Variants in MGST2 observed in about 807,000 individuals in gnomAD.
The protein encoded by MGST2 is microsomal glutathione S-transferase 2.
A neutral mutation model predicts 16.6 loss-of-function variants in MGST2; 9 were observed. That is an observed-to-expected ratio of 0.54 (90% CI 0.33 to 0.95). The LOEUF (loss-of-function observed/expected upper bound fraction) is 0.95. Among genes scored for constraint, MGST2 ranks in the 40% least tolerant of loss-of-function variants. The pLI is 0.03. For missense variants in MGST2, 159 were observed against 175.1 expected, an observed-to-expected ratio of 0.91 and a Z score of 0.52; for synonymous variants, 79 against 68.0, an observed-to-expected ratio of 1.16 and a Z score of -0.79.
chr4:139,693,606 T>C (rs1726745846), intron 2 of MGST2, among the ~76,000 whole-genome samples: 1 of 152,096 alleles, frequency 6.6e-6, no homozygotes, highest in African/African-American at 2.4e-5. Flanking sequence ...CAACCTATCA[T>C]AGCCACTCAA....
At chr4:139,712,173 T>C (rs547483352) in intron 5 of MGST2, among the ~76,000 whole-genome samples, 1 of 152,356 alleles carries the variant, frequency 6.6e-6, no homozygotes, top group South Asian at 2.1e-4. Context: ...ACTGTGCAAC[T>C]GTTGAAACCA....
At chr4:139,714,900 C>T (rs183216235) in intron 5 of MGST2, among the ~76,000 whole-genome samples, 106 of 152,260 alleles carry the variant, frequency 7.0e-4, no homozygotes, top group Non-Finnish European at 1.4e-3. Context: ...GGAAAAAGCT[C>T]CCCATGTCCC....
intron 5 of MGST2, chr4:139,719,129 G>T (rs10519504): frequency 0.15 from 91,950 of 600,620 alleles, 7,290 homozygotes; most frequent in South Asian, 0.18. Flanking sequence ...CTCGATTGCT[G>T]TGTGAAAATC....
intron 5 of MGST2, chr4:139,719,208 T>G: frequency 2.5e-6 from 3 of 1,218,744 alleles, no homozygotes; most frequent in Non-Finnish European, 3.3e-6. Flanking sequence ...AGCTGCAGTT[T>G]TGCTCAGTTT....
At chr4:139,747,220 C>T in the MGST2 span, among the ~76,000 whole-genome samples, 78,258 of 152,018 alleles carry the variant, frequency 0.51, 20,816 homozygotes, top group East Asian at 0.74. Context: ...AAATCCACAC[C>T]TTCTGCATCA....
In MGST2 at chr4:139,712,593, C is replaced by T. The variant is rs553437552; in HGVS notation, c.*48+8397C>T. Among the ~76,000 whole-genome samples, 21 of 152,220 alleles carry T rather than the reference C, an allele frequency of 1.4e-4. No homozygotes were observed. The South Asian group carries it at 2.9e-3, about 21-fold the overall frequency. ...TCTCAGATAAGACTTTTTAAAAAGC[C>T]GAGCCCTGCCATGGGTTTGTACCCT... On this transcript the variant is annotated intron_variant, in intron 5 of 5. Coordinates refer to the MGST2 transcript ENST00000616265.
chr4:139,712,042 A>G (rs1169540282), intron 5 of MGST2, among the ~76,000 whole-genome samples: 1 of 152,250 alleles, frequency 6.6e-6, no homozygotes, highest in Non-Finnish European at 1.5e-5. Context: ...AGTTTAAGAA[A>G]ACATTCAGTA....
At chr4:139,694,956 G>C (rs1409380052) in intron 2 of MGST2, among the ~76,000 whole-genome samples, 1 of 152,196 alleles carries the variant, frequency 6.6e-6, no homozygotes, top group Non-Finnish European at 1.5e-5. Flanking sequence ...TTGGGAAAGT[G>C]CTATAACTCA....
At chr4:139,683,884 A>G (rs1321508116) in intron 2 of MGST2, among the ~76,000 whole-genome samples, 1 of 150,414 alleles carries the variant, frequency 6.6e-6, no homozygotes, top group Non-Finnish European at 1.5e-5. Flanking sequence ...GAGCTTGTGC[A>G]GGGGAATGCC....
At chr4:139,730,452 CTG>C (rs1728656537) in intron 5 of MGST2, 49 of 1,552,028 alleles carry the variant, frequency 3.2e-5, no homozygotes, top group Non-Finnish European at 3.7e-5. Flanking sequence ...GCTGCTGCTG[CTG>C]CTGCCTTTGC....
chr4:139,682,068 T>C (rs567804184), intron 2 of MGST2, among the ~76,000 whole-genome samples: 7 of 152,046 alleles, frequency 4.6e-5, no homozygotes, highest in Non-Finnish European at 8.8e-5. Flanking sequence ...TGTGGGTACA[T>C]ACCTGCAGTC....
Position 139,698,741 on chromosome 4 carries a change from T to G in MGST2, c.229+3474T>G, listed in dbSNP as rs559242764. Among the ~76,000 whole-genome samples, 5 of 152,364 alleles carry G rather than the reference T, an allele frequency of 3.3e-5. No homozygotes were observed. In the East Asian group the frequency reaches 9.6e-4, roughly 29 times the overall value. ...AGTGCAAGGTTTTTCCCCCTGCTGGTGTAGCTGCAAGTGACAGCTTTACAA... is the reference window on the plus strand; with the variant it reads ...AGTGCAAGGTTTTTCCCCCTGCTGGGGTAGCTGCAAGTGACAGCTTTACAA... On this transcript the variant is annotated intron_variant, in intron 3 of 4. Coordinates refer to ENST00000265498, the MANE Select transcript of MGST2 (RefSeq NM_002413.5).
Position 139,713,309 on chromosome 4 carries a change from C to T in MGST2, c.*48+9113C>T, listed in dbSNP as rs142380032. Among the ~76,000 whole-genome samples, 10 of 152,096 alleles carry T rather than the reference C, an allele frequency of 6.6e-5. No homozygotes were observed. In the East Asian group the frequency reaches 1.9e-3, roughly 29 times the overall value. On this transcript the variant is annotated intron_variant, in intron 5 of 5. Coordinates refer to the MGST2 transcript ENST00000616265. ...AGAGGGATCCATCTGCTTTTAATTC[C>T]TGGGGTTTCAAGATAAAAACAGGTT...
intron 5 of MGST2, among the ~76,000 whole-genome samples, chr4:139,732,869 TAATAA>T (rs1258789266): frequency 6.6e-6 from 1 of 152,174 alleles, no homozygotes; most frequent in African/African-American, 2.4e-5. Context: ...TAGCTGAAAT[TAATAA>T]AATGTTTTGC....
chr4:139,747,005 C>A, the MGST2 span, among the ~76,000 whole-genome samples: 1 of 152,138 alleles, frequency 6.6e-6, no homozygotes, highest in Non-Finnish European at 1.5e-5. Context: ...CCAAGGCTTG[C>A]AGCAATTGCT....
At chr4:139,708,705 GA>G (rs1292253674), downstream of MGST2, among the ~76,000 whole-genome samples, 10 of 152,024 alleles carry the variant, frequency 6.6e-5, no homozygotes, top group Non-Finnish European at 1.0e-4. Context: ...ATTCTGGTTA[GA>G]AAAAAACAAC....
At chr4:139,730,430 TCTGCTGCTG>T (rs3051167) in intron 5 of MGST2, 169 of 1,456,070 alleles carry the variant, frequency 1.2e-4, no homozygotes, top group Non-Finnish European at 1.4e-4. Context: ...TCCGCCAAAA[TCTGCTGCTG>T]CTGCTGCTGC....
chr4:139,705,681 C>T (rs1368475134), downstream of MGST2: 1 of 152,056 alleles, frequency 6.6e-6, no homozygotes, highest in Non-Finnish European at 1.5e-5. Flanking sequence ...CAAGGAATTG[C>T]CCAGGGACAA....
In MGST2 at chr4:139,735,922, G is replaced by A. The variant is rs1397080759; in HGVS notation, c.*49-4290G>A. ...GGTCCTCGGCCCGCGCGCGCCGCTC[G>A]GGAGCCCGCGAGGCTGCGGTGTGCT... On this transcript the variant is annotated intron_variant, in intron 5 of 5. Transcript: ENST00000616265. This position sits in a 1 kb window ranked among gnomAD's most constrained non-coding sequence, Gnocchi z 5.8. Among the ~76,000 whole-genome samples, 1 of 152,062 alleles carries A rather than the reference G, an allele frequency of 6.6e-6. No homozygotes were observed. Among genetic ancestry groups the A allele is most frequent in the African/African-American group, 2.4e-5 (1 of 41,430 alleles).
Sources: allele counts gnomAD v4.1 joint callset (sites outside exome capture counted in the v4.1 genomes callset), GRCh38; gene constraint gnomAD v4.1.1; non-coding constraint Gnocchi (gnomAD v3.1); transcripts MANE v1.5; gene names NCBI Gene and HGNC (gene_info 2026-07-23, HGNC 2026-07-21).